The following NTRK2 variants were observed in gnomAD, a reference collection of about 807,000 sequenced individuals.
NTRK2 encodes the protein neurotrophic receptor tyrosine kinase 2.
A neutral mutation model predicts 94.5 loss-of-function variants in NTRK2; 13 were observed. The observed-to-expected ratio is 0.14, with a 90% CI of 0.09 to 0.22. The LOEUF is 0.22. Among genes scored for constraint, NTRK2 ranks in the 10% least tolerant of loss-of-function variants. The pLI is 1.00. For missense variants in NTRK2, 639 were observed against 1,071.2 expected (o/e 0.60, Z 5.63); for synonymous variants, 372 against 407.4 (o/e 0.91, Z 1.05).
chr9:84,884,509 A>G (rs566348234), intron 14 of NTRK2, among the ~76,000 whole-genome samples: 19 of 152,334 alleles, frequency 1.2e-4, no homozygotes, highest in African/African-American at 4.6e-4. Context: ...TGCATGCAAC[A>G]TCGACGATTA....
intron 14 of NTRK2, chr9:84,872,433 C>G: frequency 9.3e-7 from 1 of 1,076,762 alleles, no homozygotes; most frequent in African/African-American, 1.6e-5. Flanking sequence ...AAAATTCTGT[C>G]TTCCCTAGAG....
intron 14 of NTRK2, among the ~76,000 whole-genome samples, chr9:84,892,943 ACTTT>A (rs1270698489): frequency 6.6e-6 from 1 of 151,430 alleles, no homozygotes; most frequent in Non-Finnish European, 1.5e-5. Context: ...AAATTACTGT[ACTTT>A]CTTCTTTTCT....
chr9:84,876,509 C>T (rs2076073237), intron 14 of NTRK2: 1 of 1,055,648 alleles, frequency 9.5e-7, no homozygotes, highest in Admixed American at 5.4e-5. Flanking sequence ...GCACTAACTG[C>T]TTTACCCAGG....
intron 12 of NTRK2, among the ~76,000 whole-genome samples, chr9:84,752,864 C>G (rs570494185): frequency 1.3e-5 from 2 of 152,298 alleles, no homozygotes; most frequent in East Asian, 1.9e-4. Flanking sequence ...TAGATAGACA[C>G]TATTTAAAAG....
chr9:84,763,684 C>A (rs948213488), intron 12 of NTRK2, among the ~76,000 whole-genome samples: 4 of 152,120 alleles, frequency 2.6e-5, no homozygotes, highest in African/African-American at 9.7e-5. Flanking sequence ...GCCACAATAC[C>A]ATTACCATTG....
At chr9:84,696,733 T>C (rs1156513226) in intron 2 of NTRK2, among the ~76,000 whole-genome samples, 4 of 152,158 alleles carry the variant, frequency 2.6e-5, no homozygotes, top group African/African-American at 7.2e-5. Flanking sequence ...TGCCAACCGA[T>C]GGAATAAAAA....
chr9:84,810,648 A>G (rs201069227), intron 12 of NTRK2: 32 of 1,611,598 alleles, frequency 2.0e-5, no homozygotes, highest in Non-Finnish European at 2.7e-5. Flanking sequence ...TGTAAGCTGG[A>G]CTCCTGGGAC....
intron 12 of NTRK2, among the ~76,000 whole-genome samples, chr9:84,839,221 A>G (rs1385823089): frequency 6.6e-6 from 1 of 152,224 alleles, no homozygotes; most frequent in Non-Finnish European, 1.5e-5. Context: ...TTCTCATCAG[A>G]AGAGTCAAAT....
At chr9:84,813,428 T>C in intron 12 of NTRK2, 5 of 1,064,216 alleles carry the variant, frequency 4.7e-6, no homozygotes, top group Non-Finnish European at 5.7e-6. Context: ...TGCCAGTTTA[T>C]TACTTTTGTC....
Position 84,877,590 on chromosome 9 carries a change from C to T in NTRK2, c.1633+10159C>T, listed in dbSNP as rs201974214. 140 of 1,065,968 alleles carry T rather than the reference C, an allele frequency of 1.3e-4. 1 individual carries two copies. The Middle Eastern group carries it at 1.7e-3, about 13-fold the overall frequency. The allele number at this position is 1,065,968 out of a possible 1,614,324, so 66.0% of individuals were successfully genotyped here. ...GCACTGGTCTCAACCATTCAGCCTG[C>T]TGCTGCTGCACCATGTTGGGCTGCG... On this transcript the variant is annotated intron_variant, in intron 14 of 18. Coordinates refer to ENST00000277120, the MANE Select transcript of NTRK2 (RefSeq NM_006180.6).
chr9:84,761,292 G>A (rs1252452805), intron 12 of NTRK2, among the ~76,000 whole-genome samples: 3 of 152,132 alleles, frequency 2.0e-5, no homozygotes, highest in Non-Finnish European at 2.9e-5. Context: ...GAAGGGGGAG[G>A]TGACTTAAGG....
At position 84,906,024 on chromosome 9, in the gene NTRK2, G is replaced by T. The variant is rs149170887; in HGVS notation, c.1634-28138G>T. ...ATGTGAATTCGATTTCCAATACTTT[G>T]CATGTGTGAAGCAAAAGAGACATCC... is the stretch of plus-strand genomic sequence containing the variant. On this transcript the variant is annotated intron_variant, in intron 14 of 18. Transcript: ENST00000277120. Among the ~76,000 whole-genome samples, 136 of 152,306 alleles carry T rather than the reference G, an allele frequency of 8.9e-4. 2 individuals are homozygous for T. The East Asian group carries it at 0.025, about 28-fold the overall frequency.
At position 85,004,605 on chromosome 9, in the gene NTRK2, G is replaced by A. The variant is rs912114515; in HGVS notation, c.2173-15601G>A. Among the ~76,000 whole-genome samples, 10 of 152,140 alleles carry A rather than the reference G, an allele frequency of 6.6e-5. 1 individual carries two copies. The highest frequency in any genetic ancestry group is 2.4e-4 in the African/African-American group (10 of 41,428). Reference sequence around the variant, plus strand: ...GGATAGAGACCTTGGGAGGGAATTCGCAGAAACATAATCATAGGAGTTGAC... The same window carrying A: ...GGATAGAGACCTTGGGAGGGAATTCACAGAAACATAATCATAGGAGTTGAC... On this transcript the variant is annotated intron_variant, in intron 17 of 18. Coordinates refer to ENST00000277120, the MANE Select transcript of NTRK2 (RefSeq NM_006180.6).
intron 12 of NTRK2, among the ~76,000 whole-genome samples, chr9:84,756,360 G>A (rs1007115858): frequency 8.5e-5 from 13 of 152,330 alleles, no homozygotes; most frequent in Non-Finnish European, 1.9e-4. Context: ...AGGAGTGCAT[G>A]TGAGGGGAAA....
chr9:84,804,170 T>G (rs2070828361), intron 12 of NTRK2, among the ~76,000 whole-genome samples: 1 of 152,194 alleles, frequency 6.6e-6, no homozygotes, highest in Non-Finnish European at 1.5e-5. Flanking sequence ...GGACCTGGAT[T>G]TATCTTCCTG....
At chr9:84,949,619 C>T (rs2078712593) in intron 16 of NTRK2, among the ~76,000 whole-genome samples, 1 of 152,162 alleles carries the variant, frequency 6.6e-6, no homozygotes, top group African/African-American at 2.4e-5. Flanking sequence ...AGGCATGTGC[C>T]ACCATGTCTG....
chr9:84,955,340 G>A lies in NTRK2; in HGVS notation c.1995G>A (p.Thr665=), dbSNP rs373618229. The change falls in exon 17 of 19, where the codon ACG becomes ACA. Residue 665 remains threonine (T), a synonymous_variant. Transcript: ENST00000277120. The part of the protein sequence containing the change: ...MAEGNPPTEL[T]QSQMLHIAQQ... Reference sequence around the variant, plus strand: ...AGGGCAACCCGCCCACGGAACTGACGCAGTCGCAGATGCTGCATATAGCCC... The same window carrying A: ...AGGGCAACCCGCCCACGGAACTGACACAGTCGCAGATGCTGCATATAGCCC... 4.3e-6 allele frequency: 7 copies of A among 1,612,522 alleles called. No homozygotes were observed. Among genetic ancestry groups the A allele is most frequent in the South Asian group, 2.2e-5 (2 of 90,750 alleles).
intron 12 of NTRK2, among the ~76,000 whole-genome samples, chr9:84,807,594 T>C (rs527336938): frequency 1.3e-5 from 2 of 152,336 alleles, no homozygotes; most frequent in Admixed American, 6.5e-5. Context: ...TGTCAAAATA[T>C]CTATATTTCA....
intron 5 of NTRK2, 126 bp from the exon 6 acceptor site, chr9:84,710,510 TG>T (rs1588102448): frequency 2.1e-6 from 2 of 934,676 alleles, no homozygotes; most frequent in East Asian, 5.1e-5. Context: ...TGTCATGCTA[TG>T]AAAGTGGTAT....
Sources: allele counts gnomAD v4.1 joint callset (sites outside exome capture counted in the v4.1 genomes callset), GRCh38; gene constraint gnomAD v4.1.1; transcripts MANE v1.5; gene names NCBI Gene and HGNC (gene_info 2026-07-23, HGNC 2026-07-21).